The following PSCA variants were observed in gnomAD, a reference collection of about 807,000 sequenced individuals.
PSCA encodes prostate stem cell antigen.
PSCA carries 7 observed loss-of-function variants against 7.9 expected under a neutral mutation model. The ratio of observed to expected loss-of-function variants is 0.89; its 90% CI spans 0.51 to 1.67. The LOEUF (loss-of-function observed/expected upper bound fraction) is 1.67, where lower values mean the gene tolerates loss of function less well. Among genes scored for constraint, PSCA ranks in the 40% most tolerant of loss-of-function variants. The probability of loss-of-function intolerance (pLI) is 0.00; values close to 1 mark genes in which losing one functional copy is unlikely to be tolerated. For synonymous variants in PSCA, 61 were observed against 68.3 expected (o/e 0.89, Z 0.53); for missense variants, 151 against 147.9 (o/e 1.02, Z -0.11).
At chr8:142,678,294 G>GGGAGAAGGGTCAGC (rs1847421328), upstream of PSCA, among the ~76,000 whole-genome samples, 1 of 152,202 alleles carries the variant, frequency 6.6e-6, no homozygotes, top group African/African-American at 2.4e-5. Flanking sequence ...AGAGCGTCAG[G>GGGAGAAGGGTCAGC]GGAGAAGGGG....
chr8:142,677,009 G>A (rs1221217158), upstream of PSCA, among the ~76,000 whole-genome samples: 1 of 152,158 alleles, frequency 6.6e-6, no homozygotes. Flanking sequence ...CTGTGACCAG[G>A]GTCAAAAATC....
rs1847457345 is a variant in PSCA, at chr8:142,681,072, C to T, written c.26-255C>T. 7 of 507,686 alleles carry T rather than the reference C, an allele frequency of 1.4e-5. No homozygotes were observed. The South Asian group carries it at 1.6e-4, about 12-fold the overall frequency. 31.4% of individuals were successfully genotyped at this position (507,686 alleles called of 1,614,324 possible). A position where few individuals can be genotyped will look rare whatever the true frequency, so the allele number is the denominator to read the frequency against. On this transcript the variant is annotated intron_variant, in intron 1 of 2. Coordinates refer to ENST00000301258, the MANE Select transcript of PSCA (RefSeq NM_005672.5). Reference sequence around the variant, plus strand: ...CCCTCCCGACCCAGGGTCCCGGGTTCAGTCACCCCCACAGCCGCAGCTTCC... The same window carrying T: ...CCCTCCCGACCCAGGGTCCCGGGTTTAGTCACCCCCACAGCCGCAGCTTCC...
At chr8:142,681,895 C>A in intron 2 of PSCA, 26 bp from the exon 3 acceptor site, 1 of 1,492,666 alleles carries the variant, frequency 6.7e-7, no homozygotes, top group Non-Finnish European at 9.0e-7. Flanking sequence ...AGGGCAGCCC[C>A]ATCCCCGGAT....
upstream of PSCA, among the ~76,000 whole-genome samples, chr8:142,677,778 C>A (rs1847415757): frequency 6.6e-6 from 1 of 152,150 alleles, no homozygotes; most frequent in Non-Finnish European, 1.5e-5. Flanking sequence ...CTGGGGGAGG[C>A]TGCAGTCACC....
chr8:142,682,500 T>G lies in PSCA; in HGVS notation c.*368T>G. The G allele has an allele frequency of 1.9e-6, 1 of 523,644 alleles. No individual in the cohort carries two copies. The highest frequency in any genetic ancestry group is 3.7e-6 in the Non-Finnish European group (1 of 270,766). The allele number at this position is 523,644 out of a possible 1,614,324, so 32.4% of individuals were successfully genotyped here. On this transcript the variant is annotated 3_prime_UTR_variant, in exon 3 of 3. Coordinates refer to ENST00000301258, the MANE Select transcript of PSCA (RefSeq NM_005672.5). ...CTTGAGCCAGGTCTGGTCCGTGGTG[T>G]CCCCCGCACCCAGCAGGGGACAGGC...
upstream of PSCA, chr8:142,676,304 A>G (rs1554637824): frequency 1.3e-5 from 2 of 152,330 alleles, no homozygotes. Context: ...GAATTTGAGC[A>G]TGCTAGAGTC....
Position 142,672,701 on chromosome 8 carries a change from A to C in PSCA, n.261+2133A>C, listed in dbSNP as rs1473424911. Among the ~76,000 whole-genome samples the C allele has an allele frequency of 4.6e-5, 7 of 152,236 alleles. No individual in the cohort carries two copies. In the East Asian group the frequency reaches 1.3e-3, roughly 29 times the overall value. ...GACTCATGTAGATGGGTTAAGGAGC[A>C]GAAAGTTTAATAGACAGAAGAAAGG... On this transcript the variant is annotated intron_variant and non_coding_transcript_variant, in intron 1 of 1. Transcript: ENST00000505305.
chr8:142,680,711 C>T, intron 1 of PSCA, 148 bp downstream of exon 1: 1 of 1,123,350 alleles, frequency 8.9e-7, no homozygotes, highest in Non-Finnish European at 1.3e-6. Context: ...CTCCGCTCCT[C>T]CAGGGAAGCT....
At position 142,682,683 on chromosome 8, in the gene PSCA, C is replaced by G. The variant is rs1045605; in HGVS notation, c.*551C>G. On this transcript the variant is annotated 3_prime_UTR_variant, in exon 3 of 3. Coordinates refer to ENST00000301258, the MANE Select transcript of PSCA (RefSeq NM_005672.5). The stretch of plus-strand genomic sequence containing the variant: ...CGTGGGGCTCCCTGAATGGCAGCCT[C>G]AGCACAGCGTAGGCCCTTAATAAAC... 152,069 of 341,810 alleles carry G rather than the reference C, an allele frequency of 0.44. 34,370 individuals are homozygous for G. The highest frequency in any genetic ancestry group is 0.52 in the Admixed American group (13,661 of 26,238). The allele number at this position is 341,810 out of a possible 1,614,324, so 21.2% of individuals were successfully genotyped here. A position where few individuals can be genotyped will look rare whatever the true frequency, so the allele number is the denominator to read the frequency against.
intron 2 of PSCA, 181 bp from the exon 3 acceptor site, chr8:142,681,740 T>C (rs1814642402): frequency 1.6e-6 from 1 of 615,802 alleles, no homozygotes; most frequent in Non-Finnish European, 2.9e-6. Flanking sequence ...TCCATCTGCC[T>C]CGGACATCTG....
At chr8:142,678,766 C>A (rs1847427400), upstream of PSCA, among the ~76,000 whole-genome samples, 4 of 149,074 alleles carry the variant, frequency 2.7e-5, no homozygotes, top group South Asian at 2.2e-4. Context: ...ACTGCTACCA[C>A]CACCCAGCTG....
upstream of PSCA, chr8:142,680,430 G>C (rs969325555): frequency 1.5e-6 from 2 of 1,362,680 alleles, no homozygotes; most frequent in Admixed American, 4.0e-5. Flanking sequence ...CGCTGGTGTT[G>C]ACTGTGGGCA....
At chr8:142,681,580 A>C in intron 2 of PSCA, 146 bp downstream of exon 2, 1 of 705,348 alleles carries the variant, frequency 1.4e-6, no homozygotes, top group Admixed American at 2.1e-5. Context: ...ATCACCCAGC[A>C]TCTGTCCCTC....
rs587647255 is a variant in PSCA, at chr8:142,673,073, G to T, written n.261+2505G>T. On this transcript the variant is annotated intron_variant and non_coding_transcript_variant, in intron 1 of 1. Coordinates refer to the PSCA transcript ENST00000505305. The surrounding 1 kb of genome is among the most constrained non-coding windows in gnomAD (Gnocchi z 4.6). Reference sequence around the variant, plus strand: ...TTGGCACAACTGCTGGCATTCACGCGTGCAAGCTTCCAGCTTGCTTGTCTT... The same window carrying T: ...TTGGCACAACTGCTGGCATTCACGCTTGCAAGCTTCCAGCTTGCTTGTCTT... Among the ~76,000 whole-genome samples, 1 of 152,140 alleles carries T rather than the reference G, an allele frequency of 6.6e-6. No individual in the cohort carries two copies. The highest frequency in any genetic ancestry group is 1.5e-5 in the Non-Finnish European group (1 of 68,024).
chr8:142,674,191 A>C (rs1407372199), intron 1 of PSCA, among the ~76,000 whole-genome samples: 1 of 146,682 alleles, frequency 6.8e-6, no homozygotes, highest in Admixed American at 6.9e-5. Flanking sequence ...ACCTCTGCAG[A>C]GCTCAGATCC....
At chr8:142,679,972 G>C (rs1162154476), upstream of PSCA, 1 of 152,706 alleles carries the variant, frequency 6.5e-6, no homozygotes, top group African/African-American at 2.4e-5. Context: ...TCAGATGGCT[G>C]GGGGGCCTTA....
Position 142,675,129 on chromosome 8 carries a change from G to A in PSCA, n.261+4561G>A, listed in dbSNP as rs587725775. On this transcript the variant is annotated intron_variant and non_coding_transcript_variant, in intron 1 of 1. Coordinates refer to the PSCA transcript ENST00000505305. The stretch of plus-strand genomic sequence containing the variant: ...GCCTCTCATAGCAGGGGTGGCTGGG[G>A]GTGCTGGTGAGGCTGTGCCCAGCTG... 2.6e-5 allele frequency among the ~76,000 whole-genome samples: 4 copies of A among 152,374 alleles called. No individual in the cohort carries two copies. The South Asian group carries it at 8.3e-4, about 32-fold the overall frequency.
upstream of PSCA, among the ~76,000 whole-genome samples, chr8:142,675,534 C>T (rs1239830636): frequency 6.6e-6 from 1 of 152,216 alleles, no homozygotes; most frequent in Non-Finnish European, 1.5e-5. Context: ...CCAACACACC[C>T]ACATTTACAC....
intron 1 of PSCA, among the ~76,000 whole-genome samples, chr8:142,671,018 C>T (rs1037977972): frequency 2.0e-5 from 3 of 152,156 alleles, no homozygotes; most frequent in Non-Finnish European, 2.9e-5. Flanking sequence ...ACAATGTAAG[C>T]GCTATGTAGA....
Sources: allele counts gnomAD v4.1 joint callset (sites outside exome capture counted in the v4.1 genomes callset), GRCh38; gene constraint gnomAD v4.1.1; non-coding constraint Gnocchi (gnomAD v3.1); transcripts MANE v1.5; gene names NCBI Gene and HGNC (gene_info 2026-07-23, HGNC 2026-07-21).